The following NRCAM variants were observed in gnomAD, a reference collection of about 807,000 sequenced individuals.
NRCAM encodes the protein neuronal cell adhesion molecule.
In NRCAM, 83 loss-of-function variants were observed where a neutral mutation model predicts 156.5. That is an observed-to-expected ratio of 0.53 (90% CI 0.44 to 0.64). The LOEUF (loss-of-function observed/expected upper bound fraction) is 0.64, where lower values mean the gene tolerates loss of function less well. Among genes scored for constraint, NRCAM ranks in the 30% least tolerant of loss-of-function variants. The probability of loss-of-function intolerance (pLI) is 0.00; values close to 1 mark genes in which losing one functional copy is unlikely to be tolerated. For missense variants in NRCAM, 1,417 were observed against 1,597.3 expected, an observed-to-expected ratio of 0.89 and a Z score of 1.92; for synonymous variants, 538 against 563.9, an observed-to-expected ratio of 0.95 and a Z score of 0.65.
intron 1 of NRCAM, among the ~76,000 whole-genome samples, chr7:108,411,052 T>C (rs1175884663): frequency 6.6e-6 from 1 of 152,228 alleles, no homozygotes; most frequent in African/African-American, 2.4e-5. Flanking sequence ...ATTCTAATTG[T>C]TGATACTTTT....
intron 3 of NRCAM, among the ~76,000 whole-genome samples, chr7:108,269,021 C>CA (rs2097228260): frequency 6.6e-6 from 1 of 152,058 alleles, no homozygotes; most frequent in Non-Finnish European, 1.5e-5. Flanking sequence ...CACAGTCATA[C>CA]AATTGATAAG....
At chr7:108,395,818 A>T (rs749311310) in intron 2 of NRCAM, among the ~76,000 whole-genome samples, 3 of 152,226 alleles carry the variant, frequency 2.0e-5, no homozygotes, top group Non-Finnish European at 4.4e-5. Context: ...ATATGGTTGC[A>T]TTCTGTCCTT....
intron 8 of NRCAM, among the ~76,000 whole-genome samples, chr7:108,230,828 G>A (rs2153731210): frequency 6.6e-6 from 1 of 151,780 alleles, no homozygotes; most frequent in African/African-American, 2.4e-5. Context: ...TCCTCCCACT[G>A]CAAAGAATAT....
intron 2 of NRCAM, among the ~76,000 whole-genome samples, chr7:108,359,529 T>C (rs2099534021): frequency 6.6e-6 from 1 of 152,144 alleles, no homozygotes; most frequent in South Asian, 2.1e-4. Flanking sequence ...TGGAAAAATA[T>C]GGAACACGTG....
intron 3 of NRCAM, among the ~76,000 whole-genome samples, chr7:108,261,616 G>T (rs2096890913): frequency 6.6e-6 from 1 of 151,744 alleles, no homozygotes; most frequent in Non-Finnish European, 1.5e-5. Context: ...TAGAGTTGTT[G>T]TATTGGACCC....
chr7:108,198,066 C>T lies in NRCAM; in HGVS notation c.1241G>A (p.Gly414Asp). ...AACATTTGAAAAAATAATGGTATCG[C>T]CATCTATTTTTCTGCTGGGGTCATC... Reference protein sequence around the residue: ...APDDPSRKIDGDTIIFSNVQE... With the variant: ...APDDPSRKIDDDTIIFSNVQE... Residue 414 changes from glycine (G) to aspartate (D), a missense_variant, in exon 14 of 33, where the codon GGC becomes GAC. Gly to Asp is a moderately conservative substitution (Grantham distance 94, BLOSUM62 -1). Coordinates refer to ENST00000379028, the MANE Select transcript of NRCAM (RefSeq NM_001037132.4). 6.2e-7 allele frequency: 1 copy of T among 1,607,128 alleles called. No individual in the cohort carries two copies. The highest frequency in any genetic ancestry group is 8.5e-7 in the Non-Finnish European group (1 of 1,177,072).
chr7:108,359,756 A>G (rs909287691), intron 2 of NRCAM, among the ~76,000 whole-genome samples: 5 of 152,226 alleles, frequency 3.3e-5, no homozygotes, highest in African/African-American at 1.2e-4. Context: ...ACAGATCTTC[A>G]GTGTCCAGTT....
rs370347834 is a variant in NRCAM at position 108,150,043 on chromosome 7, C to T, written c.3782G>A (p.Gly1261Glu). ...SDDSLVDYGE[G>E]VNGQFNEDGS... ...ATCCTCATTGAACTGGCCATTAACC[C>T]CTTCTCCATAGTCAACTAGGCTGTC... Residue 1261 changes from glycine to glutamate, a missense_variant, in exon 33 of 33, where the codon GGG becomes GAG. Gly to Glu is a moderately conservative substitution (Grantham distance 98, BLOSUM62 -2). Coordinates refer to ENST00000379028, the MANE Select transcript of NRCAM (RefSeq NM_001037132.4). 110 of 1,613,962 alleles carry T rather than the reference C, an allele frequency of 6.8e-5. 1 individual carries two copies. The East Asian group carries it at 1.0e-3, about 15-fold the overall frequency.
chr7:108,303,589 A>C lies in NRCAM; in HGVS notation c.-107+9076T>G, dbSNP rs114194035. Reference sequence around the variant, plus strand: ...AAATGGAATCCCATAATCTATCCCAAATTCCTGGCCACAGATGACCTCTCC... The same window carrying C: ...AAATGGAATCCCATAATCTATCCCACATTCCTGGCCACAGATGACCTCTCC... On this transcript the variant is annotated intron_variant, in intron 3 of 32. Coordinates refer to ENST00000379028, the MANE Select transcript of NRCAM (RefSeq NM_001037132.4). Among the ~76,000 whole-genome samples, 500 of 152,074 alleles carry C rather than the reference A, an allele frequency of 3.3e-3. 2 individuals carry two copies. The highest frequency in any genetic ancestry group is 0.012 in the African/African-American group (485 of 41,480).
intron 26 of NRCAM, 188 bp from the exon 27 acceptor site, chr7:108,176,794 GTATCA>G (rs536701645): frequency 1.7e-5 from 9 of 533,108 alleles, no homozygotes; most frequent in African/African-American, 3.8e-5. Context: ...CTATCATATC[GTATCA>G]TATCATATCA....
At chr7:108,409,516 T>C (rs568679694) in intron 1 of NRCAM, among the ~76,000 whole-genome samples, 18 of 152,254 alleles carry the variant, frequency 1.2e-4, no homozygotes, top group African/African-American at 4.3e-4. Flanking sequence ...ACTCTTCAAT[T>C]CCATTTTCAC....
chr7:108,395,402 T>A (rs1394470428), intron 2 of NRCAM, among the ~76,000 whole-genome samples: 3 of 152,234 alleles, frequency 2.0e-5, no homozygotes, highest in Non-Finnish European at 4.4e-5. Flanking sequence ...CACGAATTGC[T>A]GAGGTAAAGT....
At chr7:108,237,945 T>C (rs556589482) in intron 4 of NRCAM, among the ~76,000 whole-genome samples, 176 bp from the exon 5 acceptor site, 8 of 152,316 alleles carry the variant, frequency 5.3e-5, no homozygotes. Flanking sequence ...ACGAAGAAAT[T>C]TGCATTAACG....
At chr7:108,411,834 C>A (rs2300041) in intron 1 of NRCAM, among the ~76,000 whole-genome samples, 1 of 152,208 alleles carries the variant, frequency 6.6e-6, no homozygotes, top group East Asian at 1.9e-4. Context: ...CCCAGCCAGG[C>A]CTAGATCTTC....
intron 3 of NRCAM, among the ~76,000 whole-genome samples, 156 bp from the exon 4 acceptor site, chr7:108,240,326 C>G (rs184843430): frequency 1.3e-5 from 2 of 152,124 alleles, no homozygotes; most frequent in Non-Finnish European, 2.9e-5. Context: ...CTGGAGTAAT[C>G]ATTTATTCAT....
intron 2 of NRCAM, among the ~76,000 whole-genome samples, chr7:108,384,557 G>A (rs1224036359): frequency 6.6e-6 from 1 of 152,186 alleles, no homozygotes; most frequent in Non-Finnish European, 1.5e-5. Flanking sequence ...TTTGAAGGCA[G>A]TGATAAGAGT....
chr7:108,409,831 A>C (rs1793133098), intron 1 of NRCAM, among the ~76,000 whole-genome samples: 1 of 152,236 alleles, frequency 6.6e-6, no homozygotes, highest in South Asian at 2.1e-4. Context: ...ATATGCATAG[A>C]CTTTTGAAGG....
intron 2 of NRCAM, among the ~76,000 whole-genome samples, chr7:108,334,669 T>A (rs1320033960): frequency 6.6e-6 from 1 of 152,098 alleles, no homozygotes; most frequent in Non-Finnish European, 1.5e-5. Context: ...CAGTCCCACC[T>A]GAGATGAGAA....
In NRCAM at chr7:108,391,307, G is replaced by C. The variant is rs189169075; in HGVS notation, c.-174+8129C>G. On this transcript the variant is annotated intron_variant, in intron 2 of 32. Transcript: ENST00000379028. ...GATAGTTAGCTCTTCTTGTTGAATT[G>C]ATCCCTTTACCATTATGTAATGGCC... Among the ~76,000 whole-genome samples the C allele has an allele frequency of 2.2e-3, 331 of 152,224 alleles. 2 individuals carry two copies. Among genetic ancestry groups the C allele is most frequent in the African/African-American group, 7.3e-3 (304 of 41,518 alleles).
Sources: allele counts gnomAD v4.1 joint callset (sites outside exome capture counted in the v4.1 genomes callset), GRCh38; gene constraint gnomAD v4.1.1; transcripts MANE v1.5; gene names NCBI Gene and HGNC (gene_info 2026-07-23, HGNC 2026-07-21).